CDC73: variants seen among roughly 807,000 people sequenced by gnomAD.
CDC73 encodes cell division cycle 73, also known as parafibromin.
A neutral mutation model predicts 83.7 loss-of-function variants in CDC73; 21 were observed. That is an observed-to-expected ratio of 0.25 (90% CI 0.18 to 0.36). The LOEUF (loss-of-function observed/expected upper bound fraction) is 0.36, where lower values mean the gene tolerates loss of function less well. CDC73 is among the 10% of genes least tolerant of loss of function. The pLI, the probability that CDC73 is intolerant of heterozygous loss-of-function variation, is 1.00. For missense variants in CDC73, 342 were observed against 653.3 expected (o/e 0.52, Z 5.19); for synonymous variants, 224 against 212.9 (o/e 1.05, Z -0.45).
chr1:193,125,074 A>G (rs948148109), intron 1 of CDC73, 38 bp from the exon 2 acceptor site: 12 of 1,007,734 alleles, frequency 1.2e-5, no homozygotes, highest in Non-Finnish European at 1.9e-5. Flanking sequence ...GTTGAATTAG[A>G]ATTGTCAGTA....
intron 5 of CDC73, among the ~76,000 whole-genome samples, chr1:193,136,335 A>G (rs998160771): frequency 1.3e-5 from 2 of 152,188 alleles, no homozygotes; most frequent in African/African-American, 4.8e-5. Context: ...TTTACTGCTC[A>G]GAGCTGTGAA....
At chr1:193,225,070 C>T (rs1382225740) in intron 13 of CDC73, among the ~76,000 whole-genome samples, 3 of 151,586 alleles carry the variant, frequency 2.0e-5, no homozygotes, top group Non-Finnish European at 4.4e-5. Context: ...AAGTCAATTT[C>T]GTCATTCTCA....
At chr1:193,128,567 A>C (rs1420967979) in intron 2 of CDC73, among the ~76,000 whole-genome samples, 1 of 152,024 alleles carries the variant, frequency 6.6e-6, no homozygotes, top group Non-Finnish European at 1.5e-5. Flanking sequence ...GGCCTCCCAG[A>C]GTGTTAGGAT....
intron 1 of CDC73, among the ~76,000 whole-genome samples, chr1:193,124,834 G>T (rs1004657325): frequency 6.6e-6 from 1 of 152,112 alleles, no homozygotes; most frequent in Non-Finnish European, 1.5e-5. Context: ...TTCTCTATTG[G>T]TAAAGCCCAG....
chr1:193,224,552 G>GTGAAATATGCATTCACATATACACATATA (rs1558316835), intron 13 of CDC73, among the ~76,000 whole-genome samples: 4 of 143,282 alleles, frequency 2.8e-5, no homozygotes, highest in Non-Finnish European at 4.6e-5. Flanking sequence ...ATATACACAT[G>GTGAAATATGCATTCACATATACACATATA]TGAAATATGC....
chr1:193,212,227 C>T (rs1677291739), intron 12 of CDC73, 127 bp downstream of exon 12: 9 of 869,860 alleles, frequency 1.0e-5, no homozygotes, highest in East Asian at 2.7e-5. Flanking sequence ...TTTATTAGTG[C>T]CCAAGCCACA....
intron 15 of CDC73, among the ~76,000 whole-genome samples, chr1:193,237,511 G>A (rs546133567): frequency 1.9e-4 from 29 of 152,078 alleles, no homozygotes; most frequent in Non-Finnish European, 1.3e-4. Flanking sequence ...GATAACCTGG[G>A]GATGTAAAGA....
intron 5 of CDC73, among the ~76,000 whole-genome samples, chr1:193,136,229 T>TACATAGACAA (rs1675797781): frequency 6.6e-6 from 1 of 152,192 alleles, no homozygotes; most frequent in Non-Finnish European, 1.5e-5. Flanking sequence ...TGTGGCTATG[T>TACATAGACAA]TTCTATAAAA....
chr1:193,252,259 C>T lies in CDC73; in HGVS notation c.*1547C>T. ...TTCCTCCCTTTTTAGCGTCTTCTTT[C>T]CTTAAAGATAAAAGAAAACTCAAAT... On this transcript the variant is annotated 3_prime_UTR_variant, in exon 17 of 17. Transcript: ENST00000367435. The T allele has an allele frequency of 4.3e-6, 1 of 230,634 alleles. No individual in the cohort carries two copies. The highest frequency in any genetic ancestry group is 8.6e-6 in the Non-Finnish European group (1 of 116,452). 14.3% of individuals were successfully genotyped at this position (230,634 alleles called of 1,614,324 possible).
chr1:193,123,791 A>G (rs923632844), intron 1 of CDC73, among the ~76,000 whole-genome samples: 1 of 152,210 alleles, frequency 6.6e-6, no homozygotes, highest in African/African-American at 2.4e-5. Flanking sequence ...TAGTCTGAAT[A>G]GAGGAGATTA....
intron 11 of CDC73, among the ~76,000 whole-genome samples, chr1:193,204,222 T>TAC (rs1677142844): frequency 7.7e-5 from 1 of 13,060 alleles, no homozygotes; most frequent in Non-Finnish European, 1.9e-4. Flanking sequence ...TATATGTATA[T>TAC]ATATGTATAT....
At chr1:193,180,250 T>C in intron 10 of CDC73, 3 of 1,491,272 alleles carry the variant, frequency 2.0e-6, no homozygotes, top group African/African-American at 2.8e-5. Flanking sequence ...TACATGCTTT[T>C]AGCAATATTT....
chr1:193,178,712 T>C (rs1676655502), intron 10 of CDC73, among the ~76,000 whole-genome samples: 3 of 152,170 alleles, frequency 2.0e-5, no homozygotes, highest in Admixed American at 1.3e-4. Context: ...AGCTGGGGTG[T>C]GTTACATAGA....
chr1:193,226,980 A>G (rs964376274), intron 13 of CDC73, among the ~76,000 whole-genome samples: 1 of 152,018 alleles, frequency 6.6e-6, no homozygotes, highest in African/African-American at 2.4e-5. Flanking sequence ...TTAAATTACC[A>G]TTTTAATCTT....
At chr1:193,166,781 G>T (rs1459857510) in intron 10 of CDC73, among the ~76,000 whole-genome samples, 1 of 151,850 alleles carries the variant, frequency 6.6e-6, no homozygotes, top group Non-Finnish European at 1.5e-5. Flanking sequence ...CCGAGTAGCT[G>T]GGATTACAGT....
Position 193,141,498 on chromosome 1 carries a change from A to C in CDC73, c.513-352A>C, listed in dbSNP as rs201338644. Among the ~76,000 whole-genome samples the C allele has an allele frequency of 7.9e-5, 12 of 152,292 alleles. 1 individual carries two copies. The East Asian group carries it at 2.1e-3, about 27-fold the overall frequency. ...AGGATGGATTTTTTACCTCCTTCCA[A>C]AGTGGCATCTGTGTGTGTGTTTAAT... is the stretch of plus-strand genomic sequence containing the variant. On this transcript the variant is annotated intron_variant, in intron 6 of 16. Coordinates refer to ENST00000367435, the MANE Select transcript of CDC73 (RefSeq NM_024529.5).
intron 13 of CDC73, among the ~76,000 whole-genome samples, chr1:193,228,341 G>A (rs1174595319): frequency 2.0e-5 from 3 of 152,022 alleles, no homozygotes; most frequent in African/African-American, 7.2e-5. Flanking sequence ...TAAATGTAGT[G>A]CAAAATATCT....
chr1:193,225,658 G>A (rs767809374), intron 13 of CDC73, among the ~76,000 whole-genome samples: 1 of 152,050 alleles, frequency 6.6e-6, no homozygotes, highest in Non-Finnish European at 1.5e-5. Context: ...CTGATCATTA[G>A]TGATGTTGAG....
chr1:193,125,230 CATTT>C lies in CDC73; in HGVS notation c.237+14_237+17del. On this transcript the variant is annotated intron_variant, in intron 2 of 16. Transcript: ENST00000367435. ...CCGACGTGCAGCTGTAAGTAGAATT[CATTT>C]TACTTATCTATCTATTTATCAGTTT... 2.2e-6 allele frequency: 3 copies of C among 1,379,298 alleles called. No individual in the cohort carries two copies. Among genetic ancestry groups the C allele is most frequent in the Non-Finnish European group, 3.1e-6 (3 of 966,816 alleles). The allele number at this position is 1,379,298 out of a possible 1,614,324, so 85.4% of individuals were successfully genotyped here.
Sources: gnomAD v4.1 joint callset for allele counts (sites outside exome capture counted in the v4.1 genomes callset) on GRCh38, gnomAD v4.1.1 for gene constraint, MANE v1.5 for transcripts, NCBI Gene and HGNC (gene_info 2026-07-23, HGNC 2026-07-21) for gene names.